The following OR7D2 variants were observed in gnomAD, a reference collection of about 807,000 sequenced individuals.
OR7D2 encodes olfactory receptor 7D2.
For synonymous variants in OR7D2, 158 were observed against 158.7 expected (o/e 1.00, Z 0.03); for missense variants, 370 against 384.1 (o/e 0.96, Z 0.31).
chr19:9,184,870 C>T (rs1414547666), intron 2 of OR7D2, among the ~76,000 whole-genome samples: 1 of 151,976 alleles, frequency 6.6e-6, no homozygotes, highest in Non-Finnish European at 1.5e-5. Flanking sequence ...ATAGATCCTG[C>T]CATTTGCCAC....
intron 2 of OR7D2, among the ~76,000 whole-genome samples, chr19:9,183,881 CCA>C (rs1340955795): frequency 7.2e-6 from 1 of 138,542 alleles, no homozygotes; most frequent in African/African-American, 2.7e-5. Context: ...GGCGTGAACC[CCA>C]GGGGGCGGAG....
chr19:9,186,390 G>A lies in OR7D2; in HGVS notation c.609G>A (p.Thr203=), dbSNP rs533676715. The change falls in exon 3 of 3, where the codon ACG becomes ACA. Residue 203 remains threonine (T), a synonymous_variant. Coordinates refer to ENST00000641288, the MANE Select transcript of OR7D2 (RefSeq NM_175883.4). ...FLNSTLIYFM[T]GVLGVFPLLG... ...ACAGCACGTTGATATACTTTATGAC[G>A]GGTGTGCTGGGCGTTTTTCCCCTCC... The A allele has an allele frequency of 1.1e-5, 18 of 1,614,084 alleles. No homozygotes were observed. Among genetic ancestry groups the A allele is most frequent in the Middle Eastern group, 3.3e-4 (2 of 6,062 alleles).
Position 9,186,224 on chromosome 19 carries a change from C to T in OR7D2, c.443C>T (p.Thr148Ile), listed in dbSNP as rs779241221. ...PHLCGLLVFV[T>I]WLIGVMTSLL... ...CTCTGTGGCCTCCTGGTTTTTGTCA[C>T]CTGGCTCATTGGTGTCATGACATCC... Residue 148 changes from threonine (T) to isoleucine (I), a missense_variant, in exon 3 of 3, where the codon ACC (threonine) becomes ATC (isoleucine). Coordinates refer to ENST00000641288, the MANE Select transcript of OR7D2 (RefSeq NM_175883.4). 6.2e-7 allele frequency: 1 copy of T among 1,614,118 alleles called. No homozygotes were observed. The highest frequency in any genetic ancestry group is 1.1e-5 in the South Asian group (1 of 91,070).
In OR7D2 at chr19:9,186,139, T is replaced by G; in HGVS notation, c.358T>G (p.Tyr120Asp). 6.2e-7 allele frequency: 1 copy of G among 1,614,122 alleles called. No individual in the cohort carries two copies. Among genetic ancestry groups the G allele is most frequent in the Non-Finnish European group, 8.5e-7 (1 of 1,180,018 alleles). Residue 120 changes from tyrosine (Y) to aspartate (D), a missense_variant, in exon 3 of 3, where the codon TAT becomes GAT. Physicochemically the swap from Tyr to Asp is radical, Grantham distance 160. Coordinates refer to ENST00000641288, the MANE Select transcript of OR7D2 (RefSeq NM_175883.4). The stretch of plus-strand genomic sequence containing the variant: ...CACGCTACTCCTGACCGTGATGGCC[T>G]ATGACCGGTTTGTGGCTGTCTGCCA... ...LDTLLLTVMA[Y>D]DRFVAVCHPL...
rs369973889 is a variant in OR7D2 at position 9,185,855 on chromosome 19, C to T, written c.74C>T (p.Pro25Leu). The change falls in exon 3 of 3, where the codon CCG becomes CTG. Residue 25 changes from proline to leucine, a missense_variant. By Grantham distance (98) the Pro-to-Leu change is moderately conservative. Transcript: ENST00000641288. ...LGLSEDPELQ[P>L]FIFGLFLSMY... ...CTCTCTGAGGATCCAGAACTACAGC[C>T]GTTCATATTTGGGCTGTTCCTGTCC... 2.1e-5 allele frequency: 34 copies of T among 1,612,692 alleles called. No individual in the cohort carries two copies. Among genetic ancestry groups the T allele is most frequent in the Middle Eastern group, 1.6e-4 (1 of 6,068 alleles).
Position 9,186,464 on chromosome 19 carries a change from T to G in OR7D2, c.683T>G (p.Met228Arg). 6.2e-7 allele frequency: 1 copy of G among 1,614,166 alleles called. No individual in the cohort carries two copies. The highest frequency in any genetic ancestry group is 1.1e-5 in the South Asian group (1 of 91,078). ...CGAATTGCTTCATCCATAAGGAAGATGTCCTCATCTGGGGGAAAACAAAAA... is the reference window on the plus strand; with the variant it reads ...CGAATTGCTTCATCCATAAGGAAGAGGTCCTCATCTGGGGGAAAACAAAAA... ...YSRIASSIRKMSSSGGKQKAL... is the reference protein window; with the variant it reads ...YSRIASSIRKRSSSGGKQKAL... Residue 228 changes from methionine to arginine, a missense_variant, in exon 3 of 3, where the codon ATG becomes AGG. Physicochemically the swap from Met to Arg is moderately conservative, Grantham distance 91. Coordinates refer to ENST00000641288, the MANE Select transcript of OR7D2 (RefSeq NM_175883.4).
At position 9,186,683 on chromosome 19, in the gene OR7D2, T is replaced by C; in HGVS notation, c.902T>C (p.Leu301Pro). 1 of 1,613,464 alleles carries C rather than the reference T, an allele frequency of 6.2e-7. No individual in the cohort carries two copies. The highest frequency in any genetic ancestry group is 1.1e-5 in the South Asian group (1 of 90,964). Residue 301 changes from leucine to proline, a missense_variant, in exon 3 of 3, where the codon CTG becomes CCG. By Grantham distance (98) the Leu-to-Pro change is moderately conservative. Coordinates refer to ENST00000641288, the MANE Select transcript of OR7D2 (RefSeq NM_175883.4). Reference sequence around the variant, plus strand: ...AGGAACAAGGATGTGAAGGGAGCCCTGGGGAGTCTCCTCAGCAGGGCAGCC... The same window carrying C: ...AGGAACAAGGATGTGAAGGGAGCCCCGGGGAGTCTCCTCAGCAGGGCAGCC... Reference protein sequence around the residue: ...SLRNKDVKGALGSLLSRAASC... With the variant: ...SLRNKDVKGAPGSLLSRAASC...
chr19:9,180,363 T>A (rs10402219), intron 1 of OR7D2, among the ~76,000 whole-genome samples: 1 of 151,912 alleles, frequency 6.6e-6, no homozygotes, highest in South Asian at 2.1e-4. Context: ...TCTCCTGCCT[T>A]AGCCTCTCAA....
Position 9,186,662 on chromosome 19 carries a change from A to G in OR7D2, c.881A>G (p.Asn294Ser), listed in dbSNP as rs776062386. Reference sequence around the variant, plus strand: ...AACCCCTTCATCTACAGCCTGAGGAACAAGGATGTGAAGGGAGCCCTGGGG... The same window carrying G: ...AACCCCTTCATCTACAGCCTGAGGAGCAAGGATGTGAAGGGAGCCCTGGGG... The part of the protein sequence containing the change: ...MLNPFIYSLR[N>S]KDVKGALGSL... The change falls in exon 3 of 3, where the codon AAC (asparagine) becomes AGC (serine). Residue 294 changes from asparagine (N) to serine (S), a missense_variant. Asn to Ser is a conservative substitution (Grantham distance 46, BLOSUM62 1). Transcript: ENST00000641288. 1.3e-5 allele frequency: 21 copies of G among 1,613,998 alleles called. No homozygotes were observed. In the South Asian group the frequency reaches 2.1e-4, roughly 16 times the overall value.
chr19:9,184,044 G>C (rs937299195), intron 2 of OR7D2, among the ~76,000 whole-genome samples: 1 of 148,188 alleles, frequency 6.7e-6, no homozygotes, highest in African/African-American at 2.5e-5. Context: ...GTGCCCTGTC[G>C]GTGGTAATGT....
chr19:9,181,077 A>G (rs1428992145), intron 2 of OR7D2, among the ~76,000 whole-genome samples: 2 of 152,034 alleles, frequency 1.3e-5, no homozygotes, highest in Admixed American at 1.3e-4. Flanking sequence ...GTGAGCTATG[A>G]TCATGCTACT....
chr19:9,181,836 C>T (rs1230157440), intron 2 of OR7D2, among the ~76,000 whole-genome samples: 2 of 152,080 alleles, frequency 1.3e-5, no homozygotes, highest in African/African-American at 4.8e-5. Context: ...GTGATGTTCC[C>T]TACTCTTTAA....
chr19:9,181,198 T>C (rs2050987188), intron 2 of OR7D2, among the ~76,000 whole-genome samples: 1 of 135,902 alleles, frequency 7.4e-6, no homozygotes, highest in African/African-American at 3.7e-5. Context: ...ATATTATATA[T>C]AGTATTATAG....
rs201184916 is a variant in OR7D2, at chr19:9,186,569, C to T, written c.788C>T (p.Ala263Val). ...GTGIGVHFTS[A>V]VTHSSQKISV... Reference sequence around the variant, plus strand: ...GGCATTGGGGTCCACTTCACTTCTGCGGTGACTCACTCTTCCCAGAAAATC... The same window carrying T: ...GGCATTGGGGTCCACTTCACTTCTGTGGTGACTCACTCTTCCCAGAAAATC... Residue 263 changes from alanine to valine, a missense_variant, in exon 3 of 3, where the codon GCG becomes GTG. By Grantham distance (64) the Ala-to-Val change is moderately conservative. Coordinates refer to ENST00000641288, the MANE Select transcript of OR7D2 (RefSeq NM_175883.4). 4.5e-5 allele frequency: 73 copies of T among 1,614,098 alleles called. No homozygotes were observed. The highest frequency in any genetic ancestry group is 8.9e-5 in the East Asian group (4 of 44,866).
chr19:9,183,955 C>CAAAAAAAAAAAAAAAAAAAAAA (rs755935536), intron 2 of OR7D2, among the ~76,000 whole-genome samples: 1 of 19,494 alleles, frequency 5.1e-5, no homozygotes. Flanking sequence ...GACTCCGTCT[C>CAAAAAAAAAAAAAAAAAAAAAA]AAAAAAAAAA....
rs1202033148 is a variant in OR7D2 at position 9,187,817 on chromosome 19, G to C, written c.*1097G>C. The C allele has an allele frequency of 6.0e-6, 1 of 165,468 alleles. No individual in the cohort carries two copies. The highest frequency in any genetic ancestry group is 1.9e-4 in the East Asian group (1 of 5,202). The allele number at this position is 165,468 out of a possible 1,614,324, so 10.2% of individuals were successfully genotyped here. A position where few individuals can be genotyped will look rare whatever the true frequency, so the allele number is the denominator to read the frequency against. ...TTTCATTCCTGAGTTACTTCACCTA[G>C]AGTAATGACCTCCAGTTCCATCCAA... On this transcript the variant is annotated 3_prime_UTR_variant, in exon 3 of 3. Coordinates refer to ENST00000641288, the MANE Select transcript of OR7D2 (RefSeq NM_175883.4).
At chr19:9,184,579 C>T (rs927089878) in intron 2 of OR7D2, among the ~76,000 whole-genome samples, 3 of 152,054 alleles carry the variant, frequency 2.0e-5, no homozygotes, top group African/African-American at 7.2e-5. Context: ...AATGAAATTG[C>T]CACTCGTAAA....
rs907393436 is a variant in OR7D2 at position 9,178,984 on chromosome 19, C to A, written c.-244C>A. 1 of 152,292 alleles carries A rather than the reference C, an allele frequency of 6.6e-6. No homozygotes were observed. Among genetic ancestry groups the A allele is most frequent in the Non-Finnish European group, 1.5e-5 (1 of 68,078 alleles). 9.4% of individuals were successfully genotyped at this position (152,292 alleles called of 1,614,324 possible). On this transcript the variant is annotated 5_prime_UTR_variant, in exon 1 of 3. Transcript: ENST00000641288. ...ACCTGGACAGTTTCCTGACGCCACA[C>A]TCATGCATCTTAGAGAGGAGAGTTA...
rs1374034791 is a variant in OR7D2 at position 9,188,721 on chromosome 19, G to A, written c.*2001G>A. ...ACTTTATTTCTATGTGTTTGCATGT[G>A]GGTTTTTGTTGTTTGTGTGTTCGAT... is the stretch of plus-strand genomic sequence containing the variant. On this transcript the variant is annotated 3_prime_UTR_variant, in exon 3 of 3. Coordinates refer to ENST00000641288, the MANE Select transcript of OR7D2 (RefSeq NM_175883.4). 9 of 167,044 alleles carry A rather than the reference G, an allele frequency of 5.4e-5. No individual in the cohort carries two copies. Among genetic ancestry groups the A allele is most frequent in the Non-Finnish European group, 1.5e-5 (1 of 68,104 alleles). The allele number at this position is 167,044 out of a possible 1,614,324, so 10.3% of individuals were successfully genotyped here.
Sources: allele counts gnomAD v4.1 joint callset (sites outside exome capture counted in the v4.1 genomes callset), GRCh38; gene constraint gnomAD v4.1.1; transcripts MANE v1.5; gene names NCBI Gene and HGNC (gene_info 2026-07-23, HGNC 2026-07-21).